The following KCNJ6 variants were observed in gnomAD, a reference collection of about 807,000 sequenced individuals.
KCNJ6 encodes the protein potassium inwardly rectifying channel subfamily J member 6.
Under a neutral mutation model 34.2 loss-of-function variants are expected in KCNJ6, and 9 were observed. That is an observed-to-expected ratio of 0.26 (90% CI 0.16 to 0.46). The LOEUF is 0.46. Ranked by LOEUF, KCNJ6 falls within the 20% of genes least tolerant of loss-of-function variation. KCNJ6 has a pLI of 1.00. For missense variants in KCNJ6, 236 were observed against 531.3 expected, an observed-to-expected ratio of 0.44 and a Z score of 5.46; for synonymous variants, 196 against 207.1, an observed-to-expected ratio of 0.95 and a Z score of 0.46.
intron 3 of KCNJ6, among the ~76,000 whole-genome samples, chr21:37,654,917 T>TA (rs1569438694): frequency 6.6e-6 from 1 of 152,128 alleles, no homozygotes; most frequent in Non-Finnish European, 1.5e-5. Context: ...GGCCAATGGG[T>TA]AGGCCTGTGG....
At chr21:37,627,361 A>G (rs974791001) in intron 3 of KCNJ6, among the ~76,000 whole-genome samples, 17 of 152,028 alleles carry the variant, frequency 1.1e-4, no homozygotes, top group Non-Finnish European at 2.1e-4. Flanking sequence ...AGGTATTAGG[A>G]AAAAAAAGGT....
chr21:37,836,578 C>A (rs1036025497), intron 2 of KCNJ6, among the ~76,000 whole-genome samples: 2 of 152,104 alleles, frequency 1.3e-5, no homozygotes, highest in Non-Finnish European at 2.9e-5. Context: ...GATGAGTTCA[C>A]GTCCTTTGCA....
chr21:37,707,771 C>T (rs1431809740), intron 3 of KCNJ6, among the ~76,000 whole-genome samples: 7 of 6,896 alleles, frequency 1.0e-3, no homozygotes, highest in African/African-American at 3.7e-3. Flanking sequence ...GATCCTCTTC[C>T]GGTCATTAGA....
intron 1 of KCNJ6, among the ~76,000 whole-genome samples, chr21:37,897,730 CT>C (rs1244540982): frequency 6.6e-6 from 1 of 152,212 alleles, no homozygotes. Context: ...CTTTGAAGTC[CT>C]GGCTCAACCA....
chr21:37,691,815 T>A (rs1422795525), intron 3 of KCNJ6, among the ~76,000 whole-genome samples: 1 of 152,190 alleles, frequency 6.6e-6, no homozygotes, highest in Non-Finnish European at 1.5e-5. Flanking sequence ...CCTTAGACCC[T>A]GCAGGCAGGC....
intron 3 of KCNJ6, among the ~76,000 whole-genome samples, chr21:37,641,270 G>A (rs2054379737): frequency 6.6e-6 from 1 of 152,152 alleles, no homozygotes; most frequent in Admixed American, 6.5e-5. Flanking sequence ...ATGGCTAAAT[G>A]AGTAAAAAGA....
At chr21:37,799,123 C>G (rs2055257276) in intron 2 of KCNJ6, among the ~76,000 whole-genome samples, 1 of 152,134 alleles carries the variant, frequency 6.6e-6, no homozygotes, top group East Asian at 1.9e-4. Context: ...CTCTACATGT[C>G]CATGCATTCT....
chr21:37,717,398 G>A (rs934168318), intron 2 of KCNJ6, among the ~76,000 whole-genome samples: 2 of 146,058 alleles, frequency 1.4e-5, no homozygotes, highest in East Asian at 3.7e-4. Context: ...GAGGGAGGCA[G>A]GGGCCATGTC....
At chr21:37,720,179 TTTTATAA>T (rs1031169041) in intron 2 of KCNJ6, among the ~76,000 whole-genome samples, 1 of 152,170 alleles carries the variant, frequency 6.6e-6, no homozygotes, top group Non-Finnish European at 1.5e-5. Context: ...TTTATATTAC[TTTTATAA>T]TTAAAAAAAC....
intron 3 of KCNJ6, among the ~76,000 whole-genome samples, chr21:37,710,410 A>C (rs768333868): frequency 6.6e-6 from 1 of 152,236 alleles, no homozygotes; most frequent in Non-Finnish European, 1.5e-5. Context: ...CCCTGAATTG[A>C]TAATCACTGG....
chr21:37,882,670 G>A (rs4817901), intron 1 of KCNJ6, among the ~76,000 whole-genome samples: 13,540 of 152,224 alleles, frequency 0.089, 1,323 homozygotes, highest in African/African-American at 0.23. Flanking sequence ...AACTGTGGTG[G>A]GAGGCAGGCA....
intron 3 of KCNJ6, among the ~76,000 whole-genome samples, chr21:37,655,178 TTTGTGTGTGTGTGTGTGTGTGTG>T (rs1340736432): frequency 1.3e-5 from 1 of 78,038 alleles, no homozygotes; most frequent in South Asian, 6.2e-4. Flanking sequence ...ACTCTAGACA[TTTGTGTGTGTGTGTGTGTGTGTG>T]TGTGTGTGTG....
intron 3 of KCNJ6, among the ~76,000 whole-genome samples, chr21:37,652,018 T>C (rs1181773683): frequency 2.6e-5 from 4 of 152,186 alleles, no homozygotes; most frequent in Admixed American, 1.3e-4. Context: ...GTAGCTGATG[T>C]TGTGGAACGT....
chr21:37,783,127 G>C (rs1422016372), intron 2 of KCNJ6, among the ~76,000 whole-genome samples: 1 of 152,186 alleles, frequency 6.6e-6, no homozygotes, highest in Non-Finnish European at 1.5e-5. Context: ...TCAATGCCAT[G>C]ACCAGGCCTT....
At chr21:37,677,247 G>T (rs923941210) in intron 3 of KCNJ6, among the ~76,000 whole-genome samples, 3 of 152,152 alleles carry the variant, frequency 2.0e-5, no homozygotes, top group African/African-American at 7.2e-5. Flanking sequence ...ACACAGCCTG[G>T]GAGATGGCTT....
chr21:37,698,026 C>T (rs1007556363), intron 3 of KCNJ6, among the ~76,000 whole-genome samples: 14 of 152,116 alleles, frequency 9.2e-5, no homozygotes, highest in African/African-American at 3.4e-4. Flanking sequence ...CAGAGCAAGC[C>T]CAAAAGGAAA....
At position 37,610,666 on chromosome 21, in the gene KCNJ6, A is replaced by C. The variant is rs2054239841; in HGVS notation, c.*14493T>G. The C allele has an allele frequency of 6.6e-6, 1 of 151,386 alleles. No individual in the cohort carries two copies. Among genetic ancestry groups the C allele is most frequent in the Non-Finnish European group, 1.5e-5 (1 of 67,870 alleles). 9.4% of individuals were successfully genotyped at this position (151,386 alleles called of 1,614,324 possible). A position where few individuals can be genotyped will look rare whatever the true frequency, so the allele number is the denominator to read the frequency against. On this transcript the variant is annotated 3_prime_UTR_variant, in exon 4 of 4. Transcript: ENST00000609713. ...TTTGCTCTTAGATAACAATGGAATT[A>C]AGCTAGAAATCAGTAACAGAAAGGT...
At chr21:37,728,948 T>C (rs1461569572) in intron 2 of KCNJ6, among the ~76,000 whole-genome samples, 1 of 152,172 alleles carries the variant, frequency 6.6e-6, no homozygotes, top group Non-Finnish European at 1.5e-5. Flanking sequence ...GTCTGTGTTG[T>C]CATGTGAAGG....
At chr21:37,833,213 C>T (rs1186852311) in intron 2 of KCNJ6, among the ~76,000 whole-genome samples, 1 of 152,072 alleles carries the variant, frequency 6.6e-6, no homozygotes, top group Non-Finnish European at 1.5e-5. Flanking sequence ...CGGGGTTTCA[C>T]CATGTTGGCC....
Sources: allele counts gnomAD v4.1 joint callset (sites outside exome capture counted in the v4.1 genomes callset), GRCh38; gene constraint gnomAD v4.1.1; transcripts MANE v1.5; gene names NCBI Gene and HGNC (gene_info 2026-07-23, HGNC 2026-07-21).